HDAC4: variants seen among roughly 807,000 people sequenced by gnomAD.
The protein encoded by HDAC4 is histone deacetylase A.
Under a neutral mutation model 135.1 loss-of-function variants are expected in HDAC4, and 16 were observed. The observed-to-expected ratio is 0.12, with a 90% CI of 0.08 to 0.18. The LOEUF (loss-of-function observed/expected upper bound fraction) is 0.18, where lower values mean the gene tolerates loss of function less well. Among genes scored for constraint, HDAC4 ranks in the 10% least tolerant of loss-of-function variants. HDAC4 has a pLI of 1.00. For missense variants in HDAC4, 1,143 were observed against 1,511.8 expected, an observed-to-expected ratio of 0.76 and a Z score of 4.05; for synonymous variants, 685 against 653.4, an observed-to-expected ratio of 1.05 and a Z score of -0.74.
chr2:239,371,520 C>T (rs943828998), intron 1 of HDAC4, among the ~76,000 whole-genome samples: 3 of 152,214 alleles, frequency 2.0e-5, no homozygotes, highest in Admixed American at 6.5e-5. Flanking sequence ...CACACATAAC[C>T]TTAAACACAC....
chr2:239,297,477 G>C (rs561967963), intron 2 of HDAC4, among the ~76,000 whole-genome samples: 1 of 152,384 alleles, frequency 6.6e-6, no homozygotes, highest in Non-Finnish European at 1.5e-5. Context: ...CGGGGTTGCA[G>C]AGGTCAAGTC....
chr2:239,391,776 A>AC (rs1696231937), intron 1 of HDAC4, among the ~76,000 whole-genome samples: 1 of 152,140 alleles, frequency 6.6e-6, no homozygotes, highest in Admixed American at 6.6e-5. Flanking sequence ...TTCACCCCAC[A>AC]CCCACGAGAG....
intron 1 of HDAC4, among the ~76,000 whole-genome samples, chr2:239,399,674 G>A (rs1696809803): frequency 6.6e-6 from 1 of 152,160 alleles, no homozygotes; most frequent in Admixed American, 6.5e-5. Flanking sequence ...TGATTTGTGG[G>A]AATAAACAGA....
chr2:239,153,872 G>A (rs1266248257), intron 7 of HDAC4, among the ~76,000 whole-genome samples: 1 of 152,238 alleles, frequency 6.6e-6, no homozygotes, highest in Non-Finnish European at 1.5e-5. Flanking sequence ...AGATGGCGCG[G>A]GCCCTGCCTA....
At chr2:239,293,540 A>T (rs1449905036) in intron 2 of HDAC4, among the ~76,000 whole-genome samples, 2 of 152,136 alleles carry the variant, frequency 1.3e-5, no homozygotes, top group Non-Finnish European at 2.9e-5. Context: ...TGCTACCATG[A>T]GGTAGTTAAG....
At chr2:239,376,798 G>A (rs964258445) in intron 1 of HDAC4, among the ~76,000 whole-genome samples, 5 of 151,814 alleles carry the variant, frequency 3.3e-5, no homozygotes, top group Admixed American at 6.5e-5. Flanking sequence ...GCAGGCATAC[G>A]GCTGGGAGGC....
intron 17 of HDAC4, among the ~76,000 whole-genome samples, chr2:239,093,289 G>A (rs1252936529): frequency 2.6e-5 from 4 of 152,304 alleles, no homozygotes; most frequent in Admixed American, 1.3e-4. Context: ...AGCTGCTTTC[G>A]GGGAAGGTGG....
intron 2 of HDAC4, among the ~76,000 whole-genome samples, chr2:239,328,696 A>G (rs187105955): frequency 6.6e-6 from 1 of 152,326 alleles, no homozygotes; most frequent in African/African-American, 2.4e-5. Flanking sequence ...CCGAACTGCC[A>G]GGCTCGGCAC....
chr2:239,197,632 T>G (rs531453337), intron 3 of HDAC4, among the ~76,000 whole-genome samples: 184 of 152,352 alleles, frequency 1.2e-3, no homozygotes, highest in Non-Finnish European at 2.2e-3. Flanking sequence ...TCTTACACGC[T>G]TCTTCATGTG....
chr2:239,228,971 G>A (rs1222257297), intron 3 of HDAC4, among the ~76,000 whole-genome samples: 1 of 151,992 alleles, frequency 6.6e-6, no homozygotes, highest in Admixed American at 6.6e-5. Context: ...GTGAAACCTC[G>A]TCTCTACTAA....
At chr2:239,084,947 C>G in intron 19 of HDAC4, among the ~76,000 whole-genome samples, 1 of 149,336 alleles carries the variant, frequency 6.7e-6, no homozygotes, top group Non-Finnish European at 1.5e-5. Context: ...CACTCACACA[C>G]ACACAAACCA....
At chr2:239,162,341 T>C (rs1374774027) in intron 6 of HDAC4, 1 of 456,602 alleles carries the variant, frequency 2.2e-6, no homozygotes, top group Admixed American at 2.3e-5. Flanking sequence ...AGGCCCACCC[T>C]GCCCCTGGCT....
intron 1 of HDAC4, among the ~76,000 whole-genome samples, chr2:239,387,064 C>T (rs1329849183): frequency 6.6e-6 from 1 of 151,928 alleles, no homozygotes; most frequent in Non-Finnish European, 1.5e-5. Context: ...AGGGTGTGTG[C>T]GTGTCCGGGG....
At chr2:239,294,082 G>C (rs1285243583) in intron 2 of HDAC4, among the ~76,000 whole-genome samples, 1 of 152,216 alleles carries the variant, frequency 6.6e-6, no homozygotes, top group Non-Finnish European at 1.5e-5. Context: ...GCTGCCTATG[G>C]GAGGAAGAGC....
intron 5 of HDAC4, among the ~76,000 whole-genome samples, chr2:239,168,653 C>G (rs759745693): frequency 2.0e-5 from 3 of 152,174 alleles, no homozygotes; most frequent in Admixed American, 6.5e-5. Context: ...CGCGCCGGCC[C>G]GCCACTGCTC....
At chr2:239,261,877 G>A (rs1205856656) in intron 2 of HDAC4, among the ~76,000 whole-genome samples, 1 of 152,208 alleles carries the variant, frequency 6.6e-6, no homozygotes, top group South Asian at 2.1e-4. Context: ...AGGAGGTTCT[G>A]CTGCCAGCCT....
At chr2:239,054,229 G>A (rs994913575) in intron 25 of HDAC4, among the ~76,000 whole-genome samples, 1 of 152,086 alleles carries the variant, frequency 6.6e-6, no homozygotes, top group Non-Finnish European at 1.5e-5. Context: ...CTGGGCTTGC[G>A]ACAATGACAG....
intron 16 of HDAC4, among the ~76,000 whole-genome samples, chr2:239,096,754 AC>A (rs1251025317): frequency 1.6e-5 from 2 of 121,368 alleles, no homozygotes; most frequent in African/African-American, 3.2e-5. Context: ...GGACACCAGC[AC>A]CCCCCACAGA....
At chr2:239,055,988 G>A (rs778732256) in intron 24 of HDAC4, among the ~76,000 whole-genome samples, 2 of 152,186 alleles carry the variant, frequency 1.3e-5, no homozygotes, top group African/African-American at 2.4e-5. Context: ...GGGAAGGAGC[G>A]TTTGGGTTTT....
Sources: allele counts gnomAD v4.1 joint callset (sites outside exome capture counted in the v4.1 genomes callset), GRCh38; gene constraint gnomAD v4.1.1; transcripts MANE v1.5; gene names NCBI Gene and HGNC (gene_info 2026-07-23, HGNC 2026-07-21).